Variants in SNX9 observed in about 807,000 individuals in gnomAD.
SNX9 encodes the protein sorting nexin 9.
In SNX9, 44 loss-of-function variants were observed where a neutral mutation model predicts 89.4. The ratio of observed to expected loss-of-function variants is 0.49; its 90% CI spans 0.39 to 0.63. The LOEUF (loss-of-function observed/expected upper bound fraction) is 0.63. SNX9 is among the 30% of genes least tolerant of loss of function. The pLI, the probability that SNX9 is intolerant of heterozygous loss-of-function variation, is 0.00. For synonymous variants in SNX9, 236 were observed against 247.8 expected (o/e 0.95, Z 0.45); for missense variants, 578 against 736.1 (o/e 0.79, Z 2.49).
At chr6:157,851,715 G>A (rs1018428882) in intron 1 of SNX9, among the ~76,000 whole-genome samples, 1 of 151,970 alleles carries the variant, frequency 6.6e-6, no homozygotes, top group African/African-American at 2.4e-5. Flanking sequence ...TCAGCCTCCC[G>A]AGTAGCTGGG....
intron 1 of SNX9, among the ~76,000 whole-genome samples, chr6:157,861,692 C>G (rs563302748): frequency 2.0e-5 from 3 of 152,154 alleles, no homozygotes; most frequent in Non-Finnish European, 2.9e-5. Context: ...TCCGAGACCT[C>G]CAGGGATGCC....
intron 6 of SNX9, among the ~76,000 whole-genome samples, chr6:157,905,044 G>A (rs1406668706): frequency 6.6e-6 from 1 of 152,200 alleles, no homozygotes; most frequent in Admixed American, 6.5e-5. Flanking sequence ...ACCTTAGAAG[G>A]TAGGTCATTC....
At chr6:157,942,620 C>T (rs1287899505) in intron 17 of SNX9, among the ~76,000 whole-genome samples, 171 bp from the exon 18 acceptor site, 4 of 152,192 alleles carry the variant, frequency 2.6e-5, no homozygotes, top group African/African-American at 9.6e-5. Context: ...CGGTGTCATT[C>T]GGGGTTAAGG....
chr6:157,833,008 G>A (rs773028191), intron 1 of SNX9, among the ~76,000 whole-genome samples: 8 of 152,200 alleles, frequency 5.3e-5, no homozygotes, highest in African/African-American at 9.7e-5. Flanking sequence ...AGACATTTCA[G>A]TAGCTATTTT....
At chr6:157,941,425 G>T (rs1365508413) in intron 17 of SNX9, among the ~76,000 whole-genome samples, 1 of 152,166 alleles carries the variant, frequency 6.6e-6, no homozygotes, top group African/African-American at 2.4e-5. Flanking sequence ...CATGGAAATC[G>T]CAGAGAGAAA....
In SNX9 at chr6:157,921,595, G is replaced by A; in HGVS notation, c.1014G>A (p.Met338Ile). 5.0e-6 allele frequency: 8 copies of A among 1,614,100 alleles called. No individual in the cohort carries two copies. Among genetic ancestry groups the A allele is most frequent in the Non-Finnish European group, 6.8e-6 (8 of 1,179,984 alleles). ...MERLQAWMTRMCRHPVISESE... is the reference protein window; with the variant it reads ...MERLQAWMTRICRHPVISESE... ...GACTTCAGGCCTGGATGACCAGGAT[G>A]TGTCGCCATCCAGTAATCTCAGAAA... Residue 338 changes from methionine (M) to isoleucine (I), a missense_variant, in exon 10 of 18, where the codon ATG becomes ATA. Met to Ile is a conservative substitution (Grantham distance 10). Coordinates refer to ENST00000392185, the MANE Select transcript of SNX9 (RefSeq NM_016224.5).
At chr6:157,940,071 G>T (rs969690562) in intron 16 of SNX9, among the ~76,000 whole-genome samples, 1 of 152,228 alleles carries the variant, frequency 6.6e-6, no homozygotes, top group African/African-American at 2.4e-5. Flanking sequence ...AGTTCTGACA[G>T]CGTCGCTGGT....
intron 13 of SNX9, among the ~76,000 whole-genome samples, chr6:157,933,824 C>T (rs1373666546): frequency 6.6e-6 from 1 of 152,160 alleles, no homozygotes; most frequent in Non-Finnish European, 1.5e-5. Flanking sequence ...GGAGCTGCTT[C>T]GTGATTCTTT....
intron 1 of SNX9, among the ~76,000 whole-genome samples, chr6:157,827,811 T>C (rs1463820786): frequency 6.6e-6 from 1 of 151,352 alleles, no homozygotes; most frequent in Non-Finnish European, 1.5e-5. Flanking sequence ...CTTTTGTGCT[T>C]ACATAGTCAC....
At position 157,873,139 on chromosome 6, in the gene SNX9, A is replaced by G; in HGVS notation, c.137A>G (p.Lys46Arg). ...GGATGGCTGGAAGGAAGAAACATCA[A>G]AGGAGAACGAGGGCTGGTTCCCACA... ...GGGWLEGRNI[K>R]GERGLVPTDY... Residue 46 changes from lysine (K) to arginine (R), a missense_variant, in exon 3 of 18, where the codon AAA becomes AGA. Around this residue, in one of 2 missense-constraint regions of SNX9, gnomAD observed 230 missense variants for 244.7 expected, o/e 0.94. Coordinates refer to ENST00000392185, the MANE Select transcript of SNX9 (RefSeq NM_016224.5). The G allele has an allele frequency of 3.7e-6, 6 of 1,603,650 alleles. No individual in the cohort carries two copies. The highest frequency in any genetic ancestry group is 5.1e-6 in the Non-Finnish European group (6 of 1,174,564).
intron 2 of SNX9, chr6:157,872,503 C>T (rs920469926): frequency 2.6e-5 from 4 of 152,194 alleles, no homozygotes; most frequent in Non-Finnish European, 5.9e-5. Context: ...ATCACTGGAC[C>T]CTGCTGGGGA....
At chr6:157,909,409 AGG>A (rs946855076) in intron 7 of SNX9, among the ~76,000 whole-genome samples, 9 of 152,178 alleles carry the variant, frequency 5.9e-5, no homozygotes, top group South Asian at 2.1e-4. Flanking sequence ...TCCTTGGGAG[AGG>A]GAAGCTGGTG....
chr6:157,902,092 A>T, intron 6 of SNX9, 47 bp downstream of exon 6: 1 of 1,586,450 alleles, frequency 6.3e-7, no homozygotes, highest in East Asian at 2.2e-5. Flanking sequence ...GTAGAAGTAT[A>T]CATTAATACA....
chr6:157,914,372 A>AAT (rs1297814438), intron 9 of SNX9, among the ~76,000 whole-genome samples: 1 of 151,730 alleles, frequency 6.6e-6, no homozygotes, highest in Non-Finnish European at 1.5e-5. Context: ...AGATTTTTAA[A>AAT]ATATATATAT....
chr6:157,917,805 T>C (rs1783504953), intron 9 of SNX9, among the ~76,000 whole-genome samples: 1 of 152,160 alleles, frequency 6.6e-6, no homozygotes, highest in African/African-American at 2.4e-5. Flanking sequence ...TCCATACATA[T>C]TCATTACAGA....
At chr6:157,898,641 G>A (rs1783029591) in intron 5 of SNX9, among the ~76,000 whole-genome samples, 1 of 152,136 alleles carries the variant, frequency 6.6e-6, no homozygotes, top group African/African-American at 2.4e-5. Context: ...AGAAATGTGT[G>A]GAATGGGAAA....
At chr6:157,908,735 G>C (rs1267555598) in intron 7 of SNX9, among the ~76,000 whole-genome samples, 1 of 145,980 alleles carries the variant, frequency 6.9e-6, no homozygotes, top group East Asian at 2.0e-4. Flanking sequence ...ATGATCCTCA[G>C]GCTCAAAACT....
Position 157,909,802 on chromosome 6 carries a change from C to T in SNX9, c.831+12C>T, listed in dbSNP as rs536085769. 8.2e-5 allele frequency: 133 copies of T among 1,613,468 alleles called. No individual in the cohort carries two copies. Among genetic ancestry groups the T allele is most frequent in the Middle Eastern group, 8.2e-4 (5 of 6,082 alleles). On this transcript the variant is annotated intron_variant, in intron 8 of 17. Coordinates refer to ENST00000392185, the MANE Select transcript of SNX9 (RefSeq NM_016224.5). ...AGCTAACACCTACTGTAAGTATCCACGTTATCAAAAGCAGAATCATGTTTG... is the reference window on the plus strand; with the variant it reads ...AGCTAACACCTACTGTAAGTATCCATGTTATCAAAAGCAGAATCATGTTTG...
intron 4 of SNX9, chr6:157,892,930 ACTCACTAGG>A (rs1284476369): frequency 1.3e-5 from 2 of 151,940 alleles, no homozygotes; most frequent in Non-Finnish European, 1.5e-5. Context: ...CGGAATTCCA[ACTCACTAGG>A]CTCTTGACTG....
Sources: gnomAD v4.1 joint callset for allele counts (sites outside exome capture counted in the v4.1 genomes callset) on GRCh38, gnomAD v4.1.1 for gene constraint, gnomAD v4.1.1 regional missense constraint, MANE v1.5 for transcripts, NCBI Gene and HGNC (gene_info 2026-07-23, HGNC 2026-07-21) for gene names.